FBXL17: variants seen among roughly 807,000 people sequenced by gnomAD.
FBXL17 encodes F-box and leucine rich repeat protein 17.
Under a neutral mutation model 66.2 loss-of-function variants are expected in FBXL17, and 22 were observed. That is an observed-to-expected ratio of 0.33 (90% CI 0.24 to 0.47). FBXL17 has a LOEUF of 0.47. Among genes scored for constraint, FBXL17 ranks in the 20% least tolerant of loss-of-function variants. The pLI is 1.00. For missense variants in FBXL17, 878 were observed against 948.2 expected (o/e 0.93, Z 0.97); for synonymous variants, 474 against 400.5 (o/e 1.18, Z -2.19).
At chr5:107,890,480 G>T (rs1749163047) in intron 7 of FBXL17, among the ~76,000 whole-genome samples, 1 of 151,796 alleles carries the variant, frequency 6.6e-6, no homozygotes, top group Non-Finnish European at 1.5e-5. Context: ...TGGGCAACAT[G>T]GCAAAACTTC....
At chr5:108,313,110 T>C (rs933998798) in intron 4 of FBXL17, among the ~76,000 whole-genome samples, 6 of 152,132 alleles carry the variant, frequency 3.9e-5, no homozygotes, top group Non-Finnish European at 2.9e-5. Flanking sequence ...TCATCTTTAC[T>C]GCTTAGCCAT....
intron 4 of FBXL17, among the ~76,000 whole-genome samples, chr5:108,258,990 T>C (rs987331244): frequency 6.6e-6 from 1 of 152,156 alleles, no homozygotes. Context: ...AGGCAGTCTA[T>C]AGATCATAGT....
At chr5:107,921,845 A>G (rs1246877535) in intron 7 of FBXL17, among the ~76,000 whole-genome samples, 2 of 152,186 alleles carry the variant, frequency 1.3e-5, no homozygotes, top group African/African-American at 4.8e-5. Flanking sequence ...TTCCATTTCA[A>G]TGACTATTCA....
chr5:107,892,816 A>G (rs1421440199), intron 7 of FBXL17, among the ~76,000 whole-genome samples: 1 of 152,156 alleles, frequency 6.6e-6, no homozygotes, highest in Non-Finnish European at 1.5e-5. Flanking sequence ...AGATATTTGC[A>G]ATGATTTTTG....
At position 108,348,390 on chromosome 5, in the gene FBXL17, A is replaced by T; in HGVS notation, c.1506+9T>A. 4 of 1,609,680 alleles carry T rather than the reference A, an allele frequency of 2.5e-6. No homozygotes were observed. The highest frequency in any genetic ancestry group is 3.4e-6 in the Non-Finnish European group (4 of 1,176,616). On this transcript the variant is annotated intron_variant, in intron 4 of 8. Coordinates refer to ENST00000542267, the MANE Select transcript of FBXL17 (RefSeq NM_001163315.3). ...AATGAACAATACAAGGATGATAACA[A>T]GTACTTACTAATTTGTTTTCCTGCA...
chr5:108,090,145 A>G (rs576088940), intron 6 of FBXL17, among the ~76,000 whole-genome samples: 111 of 152,312 alleles, frequency 7.3e-4, no homozygotes, highest in African/African-American at 2.5e-3. Flanking sequence ...GAATGTTTTA[A>G]TAAGCTTAAT....
chr5:108,148,476 C>T lies in FBXL17; in HGVS notation c.1745+37641G>A, dbSNP rs73210824. Among the ~76,000 whole-genome samples the T allele has an allele frequency of 7.4e-3, 1,131 of 152,266 alleles. 18 individuals carry two copies. Among genetic ancestry groups the T allele is most frequent in the African/African-American group, 0.026 (1,078 of 41,560 alleles). On this transcript the variant is annotated intron_variant, in intron 6 of 8. Coordinates refer to ENST00000542267, the MANE Select transcript of FBXL17 (RefSeq NM_001163315.3). ...CCAAACCATCTATGGTCTGGAGCTG[C>T]CTGGTTCATGAATCACTGTCTGTCC...
chr5:108,029,610 G>C (rs1754956887), intron 6 of FBXL17, among the ~76,000 whole-genome samples: 1 of 152,080 alleles, frequency 6.6e-6, no homozygotes, highest in Non-Finnish European at 1.5e-5. Context: ...TGTTTATGCA[G>C]AGAGATAACT....
intron 6 of FBXL17, among the ~76,000 whole-genome samples, chr5:108,023,276 A>G (rs1463321584): frequency 6.6e-6 from 1 of 152,204 alleles, no homozygotes; most frequent in African/African-American, 2.4e-5. Context: ...GTAGCAAAAT[A>G]TTAATTTTAT....
intron 7 of FBXL17, among the ~76,000 whole-genome samples, chr5:107,906,271 T>G (rs1749755398): frequency 6.6e-6 from 1 of 152,124 alleles, no homozygotes; most frequent in South Asian, 2.1e-4. Flanking sequence ...GAATAAAATA[T>G]ATCCAGTATT....
At chr5:108,001,742 C>T (rs1048822422) in intron 7 of FBXL17, among the ~76,000 whole-genome samples, 18 of 151,928 alleles carry the variant, frequency 1.2e-4, no homozygotes, top group African/African-American at 3.9e-4. Context: ...CCTCGTGATC[C>T]GCCCATCTGG....
chr5:107,885,009 G>A (rs560986022), intron 7 of FBXL17, among the ~76,000 whole-genome samples: 3 of 152,152 alleles, frequency 2.0e-5, no homozygotes, highest in Non-Finnish European at 4.4e-5. Flanking sequence ...CTAGAGTCTT[G>A]AACTGCCTAC....
chr5:107,879,517 A>G (rs1748714101), intron 8 of FBXL17: 1 of 985,452 alleles, frequency 1.0e-6, no homozygotes, highest in Non-Finnish European at 1.2e-6. Flanking sequence ...CTGAGAATAT[A>G]TAATAACATT....
intron 7 of FBXL17, among the ~76,000 whole-genome samples, chr5:107,890,609 A>G (rs1360963494): frequency 6.6e-6 from 1 of 151,690 alleles, no homozygotes; most frequent in African/African-American, 2.4e-5. Flanking sequence ...GGTTGCATTG[A>G]GCCAAGATCA....
At chr5:108,250,467 C>A (rs537706543) in intron 4 of FBXL17, among the ~76,000 whole-genome samples, 9 of 152,006 alleles carry the variant, frequency 5.9e-5, no homozygotes, top group Admixed American at 4.6e-4. Flanking sequence ...TTTTTAGTGA[C>A]CATCTATGCT....
chr5:108,120,716 G>C (rs908449606), intron 6 of FBXL17, among the ~76,000 whole-genome samples: 7 of 151,984 alleles, frequency 4.6e-5, no homozygotes, highest in African/African-American at 1.4e-4. Context: ...GCCTGTAGTC[G>C]TAGCTACTCA....
At chr5:107,919,049 A>C (rs1247544683) in intron 7 of FBXL17, among the ~76,000 whole-genome samples, 1 of 152,224 alleles carries the variant, frequency 6.6e-6, no homozygotes, top group Non-Finnish European at 1.5e-5. Flanking sequence ...CACCATAGTA[A>C]AACTTTGTTT....
At chr5:108,265,677 G>T (rs1003070499) in intron 4 of FBXL17, among the ~76,000 whole-genome samples, 4 of 151,952 alleles carry the variant, frequency 2.6e-5, no homozygotes, top group African/African-American at 9.7e-5. Context: ...AAAATCTCTG[G>T]AAAACAATAT....
chr5:108,005,242 T>C (rs1194306410), intron 7 of FBXL17, among the ~76,000 whole-genome samples: 2 of 152,142 alleles, frequency 1.3e-5, no homozygotes, highest in Non-Finnish European at 2.9e-5. Flanking sequence ...TACTTATTCC[T>C]GTGGCTATGT....
Sources: gnomAD v4.1 joint callset for allele counts (sites outside exome capture counted in the v4.1 genomes callset) on GRCh38, gnomAD v4.1.1 for gene constraint, MANE v1.5 for transcripts, NCBI Gene and HGNC (gene_info 2026-07-23, HGNC 2026-07-21) for gene names.